RNF19A: variants seen among roughly 807,000 people sequenced by gnomAD.
The protein encoded by RNF19A is ring finger protein 19A, RBR E3 ubiquitin protein ligase.
RNF19A carries 32 observed loss-of-function variants against 75.7 expected under a neutral mutation model. That is an observed-to-expected ratio of 0.42 (90% confidence interval 0.32 to 0.57). The LOEUF (loss-of-function observed/expected upper bound fraction) is 0.57, where lower values mean the gene tolerates loss of function less well. Among genes scored for constraint, RNF19A ranks in the 20% least tolerant of loss-of-function variants. The pLI, the probability that RNF19A is intolerant of heterozygous loss-of-function variation, is 0.10. For synonymous variants in RNF19A, 335 were observed against 345.2 expected (o/e 0.97, Z 0.33); for missense variants, 782 against 1,036.3 (o/e 0.75, Z 3.37).
rs1236831027 is a variant in RNF19A at position 100,257,463 on chromosome 8, A to T, written c.*1093T>A. On this transcript the variant is annotated 3_prime_UTR_variant, in exon 10 of 10. Transcript: ENST00000341084. Reference sequence around the variant, plus strand: ...TCCATAAACAAAAGCAAAAGAAAATAATGCTAATCATACATGGACCTTTTG... The same window carrying T: ...TCCATAAACAAAAGCAAAAGAAAATTATGCTAATCATACATGGACCTTTTG... 6.6e-6 allele frequency: 1 copy of T among 152,668 alleles called. No homozygotes were observed. The highest frequency in any genetic ancestry group is 2.4e-5 in the African/African-American group (1 of 41,434). The allele number at this position is 152,668 out of a possible 1,614,324, so 9.5% of individuals were successfully genotyped here.
intron 2 of RNF19A, among the ~76,000 whole-genome samples, chr8:100,286,353 C>CAG (rs1330934588): frequency 6.6e-6 from 1 of 152,044 alleles, no homozygotes; most frequent in African/African-American, 2.4e-5. Context: ...GTACAAGCTC[C>CAG]CTGCAGTATA....
At chr8:100,298,921 A>T (rs1197111313) in intron 1 of RNF19A, among the ~76,000 whole-genome samples, 2 of 152,228 alleles carry the variant, frequency 1.3e-5, no homozygotes, top group African/African-American at 4.8e-5. Context: ...AGAGCGCAAA[A>T]TGCCAGGTAT....
At position 100,260,498 on chromosome 8, in the gene RNF19A, G is replaced by T. The variant is rs1819661847; in HGVS notation, c.1683-501C>A. On this transcript the variant is annotated intron_variant, in intron 8 of 9. Coordinates refer to ENST00000341084, the MANE Select transcript of RNF19A (RefSeq NM_183419.4). The surrounding 1 kb of genome is among the most constrained non-coding windows in gnomAD (Gnocchi z 4.1). ...TTGCCCAGGCTGGTCTCAAATTCCT[G>T]GCCTCAAGCTATCCTCCCAACCTGG... 6.6e-6 allele frequency among the ~76,000 whole-genome samples: 1 copy of T among 151,942 alleles called. No individual in the cohort carries two copies. Among genetic ancestry groups the T allele is most frequent in the Admixed American group, 6.6e-5 (1 of 15,266 alleles).
chr8:100,292,051 G>A (rs1454217589), intron 1 of RNF19A, among the ~76,000 whole-genome samples: 1 of 146,166 alleles, frequency 6.8e-6, no homozygotes, highest in Non-Finnish European at 1.5e-5. Flanking sequence ...CACTAACTTG[G>A]TCACTACAGA....
Position 100,333,005 on chromosome 8 carries a change from T to C in RNF19A, c.-243+3103A>G, listed in dbSNP as rs920236790. Among the ~76,000 whole-genome samples the C allele has an allele frequency of 1.3e-5, 2 of 152,226 alleles. No homozygotes were observed. Among genetic ancestry groups the C allele is most frequent in the Admixed American group, 1.3e-4 (2 of 15,286 alleles). On this transcript the variant is annotated intron_variant, in intron 1 of 3. Coordinates refer to the RNF19A transcript ENST00000519527. The surrounding 1 kb of genome is among the most constrained non-coding windows in gnomAD (Gnocchi z 4.7). ...ACATTTGCCAAGAACATGACAACTT[T>C]GACTCTTTTCTCTTTTTCACCCTCA... is the stretch of plus-strand genomic sequence containing the variant.
Position 100,269,856 on chromosome 8 carries a change from T to G in RNF19A, c.1028+13A>C, listed in dbSNP as rs1461067047. On this transcript the variant is annotated intron_variant, in intron 4 of 9. Coordinates refer to ENST00000341084, the MANE Select transcript of RNF19A (RefSeq NM_183419.4). The surrounding 1 kb of genome is among the most constrained non-coding windows in gnomAD (Gnocchi z 5.7). Reference sequence around the variant, plus strand: ...TTACATTTACATATAAATAGCTCCTTCTATAAGCTTACCTTAGATAATGCA... The same window carrying G: ...TTACATTTACATATAAATAGCTCCTGCTATAAGCTTACCTTAGATAATGCA... 2.5e-6 allele frequency: 4 copies of G among 1,576,768 alleles called. No individual in the cohort carries two copies. Among genetic ancestry groups the G allele is most frequent in the Non-Finnish European group, 3.4e-6 (4 of 1,163,616 alleles).
chr8:100,257,930 T>TA lies in RNF19A; in HGVS notation c.*625dup, dbSNP rs1819530955. The TA allele has an allele frequency of 5.0e-6, 2 of 398,440 alleles. No homozygotes were observed. The highest frequency in any genetic ancestry group is 4.4e-5 in the Admixed American group (1 of 22,706). The allele number at this position is 398,440 out of a possible 1,614,324, so 24.7% of individuals were successfully genotyped here. On this transcript the variant is annotated 3_prime_UTR_variant, in exon 10 of 10. Coordinates refer to ENST00000341084, the MANE Select transcript of RNF19A (RefSeq NM_183419.4). ...AAGATGGCATCAACAATAAACAAGA[T>TA]AGAGTACCAGGTATTTCTATTTCAA...
chr8:100,269,098 A>T lies in RNF19A; in HGVS notation c.1029-151T>A, dbSNP rs1586608935. 1.4e-5 allele frequency: 6 copies of T among 424,956 alleles called. No homozygotes were observed. The East Asian group carries it at 2.2e-4, about 16-fold the overall frequency. 26.3% of individuals were successfully genotyped at this position (424,956 alleles called of 1,614,324 possible). A position where few individuals can be genotyped will look rare whatever the true frequency, so the allele number is the denominator to read the frequency against. On this transcript the variant is annotated intron_variant, in intron 4 of 9. Transcript: ENST00000341084. This position sits in a 1 kb window ranked among gnomAD's most constrained non-coding sequence, Gnocchi z 5.7. The stretch of plus-strand genomic sequence containing the variant: ...ATTCTGAGTTCATTAAACTAAGGTA[A>T]GAACCACTATAAATTATATTAACAA...
rs1819703905 is a variant in RNF19A at position 100,261,328 on chromosome 8, G to C, written c.1682+214C>G. ...GCCCAGGCTGGTCTCGAACTCCTGA[G>C]CTCAGGCAATCCACCTGCTTTGGCT... On this transcript the variant is annotated intron_variant, in intron 8 of 9. Transcript: ENST00000341084. This position sits in a 1 kb window ranked among gnomAD's most constrained non-coding sequence, Gnocchi z 4.4. Among the ~76,000 whole-genome samples, 2 of 152,050 alleles carry C rather than the reference G, an allele frequency of 1.3e-5. No individual in the cohort carries two copies. The highest frequency in any genetic ancestry group is 2.9e-5 in the Non-Finnish European group (2 of 68,012).
chr8:100,272,972 C>T (rs562434039), intron 3 of RNF19A, among the ~76,000 whole-genome samples: 2 of 152,230 alleles, frequency 1.3e-5, no homozygotes, highest in African/African-American at 4.8e-5. Flanking sequence ...CTCAAACGAT[C>T]CTCCCACCTC....
chr8:100,321,666 A>C (rs545554961), intron 1 of RNF19A, among the ~76,000 whole-genome samples: 2 of 152,372 alleles, frequency 1.3e-5, no homozygotes, highest in East Asian at 3.9e-4. Context: ...AGGAATCACT[A>C]TCTATGGAAG....
Position 100,325,576 on chromosome 8 carries a change from C to A in RNF19A, c.-243+10532G>T, listed in dbSNP as rs190314114. ...TAGTTCTCTGCCCTCAGCAGCACCA[C>A]ACCTCTAGCCTACGCCCTGGGTCCT... is the stretch of plus-strand genomic sequence containing the variant. On this transcript the variant is annotated intron_variant, in intron 1 of 3. Transcript: ENST00000519527. This position sits in a 1 kb window ranked among gnomAD's most constrained non-coding sequence, Gnocchi z 4.3. Among the ~76,000 whole-genome samples, 39 of 152,276 alleles carry A rather than the reference C, an allele frequency of 2.6e-4. No homozygotes were observed. The Middle Eastern group carries it at 0.01, about 40-fold the overall frequency.
At chr8:100,262,867 G>A (rs1356604555) in intron 7 of RNF19A, among the ~76,000 whole-genome samples, 2 of 152,106 alleles carry the variant, frequency 1.3e-5, no homozygotes, top group Admixed American at 6.6e-5. Flanking sequence ...AGAATTTGCT[G>A]ACAGATCAAT....
Position 100,287,865 on chromosome 8 carries a change from C to A in RNF19A, c.310G>T (p.Asp104Tyr). 2 of 1,614,154 alleles carry A rather than the reference C, an allele frequency of 1.2e-6. No individual in the cohort carries two copies. Among genetic ancestry groups the A allele is most frequent in the Non-Finnish European group, 1.7e-6 (2 of 1,180,010 alleles). Residue 104 changes from aspartate (D) to tyrosine (Y), a missense_variant, in exon 2 of 10, where the codon GAT becomes TAT. Physicochemically the swap from Asp to Tyr is radical, Grantham distance 160. This residue lies in a region of RNF19A where 148 missense variants were observed against 147.9 expected (regional missense o/e 1.00). Transcript: ENST00000341084. This position sits in a 1 kb window ranked among gnomAD's most constrained non-coding sequence, Gnocchi z 4.1. ...TTTGTAGAGAAAATGGAGTTCTTAT[C>A]AGTACACATTTCAGAATGTATACTT... ...IESIHSEMCTDKNSIFSTNTS... is the reference protein window; with the variant it reads ...IESIHSEMCTYKNSIFSTNTS...
chr8:100,309,945 AG>A lies in RNF19A; in HGVS notation c.-173del, dbSNP rs1464274781. 1 of 985,784 alleles carries A rather than the reference AG, an allele frequency of 1.0e-6. No homozygotes were observed. The highest frequency in any genetic ancestry group is 1.2e-6 in the Non-Finnish European group (1 of 830,358). 61.1% of individuals were successfully genotyped at this position (985,784 alleles called of 1,614,324 possible). A position where few individuals can be genotyped will look rare whatever the true frequency, so the allele number is the denominator to read the frequency against. On this transcript the variant is annotated 5_prime_UTR_variant, in exon 1 of 10. Transcript: ENST00000341084. ...TCCCAGCAGCGGCGACAGCAGCCTG[AG>A]GAAGCGCGGGGGAGGGTCCCTCCGA...
Position 100,269,062 on chromosome 8 carries a change from T to C in RNF19A, c.1029-115A>G. ...AAACTTCTCATAGTTAGGAGCTTTT[T>C]TCCCCTTTAAATTCTGAGTTCATTA... On this transcript the variant is annotated intron_variant, in intron 4 of 9. Transcript: ENST00000341084. This position sits in a 1 kb window ranked among gnomAD's most constrained non-coding sequence, Gnocchi z 5.7. 1.4e-6 allele frequency: 1 copy of C among 700,222 alleles called. No individual in the cohort carries two copies. The highest frequency in any genetic ancestry group is 2.1e-6 in the Non-Finnish European group (1 of 470,046). The allele number at this position is 700,222 out of a possible 1,614,324, so 43.4% of individuals were successfully genotyped here.
intron 1 of RNF19A, among the ~76,000 whole-genome samples, chr8:100,326,422 A>G (rs1822534382): frequency 6.6e-6 from 1 of 152,076 alleles, no homozygotes; most frequent in African/African-American, 2.4e-5. Flanking sequence ...CCTTTTATTT[A>G]GCAAATTCTA....
In RNF19A at chr8:100,329,460, CA is replaced by C. The variant is rs1172629087; in HGVS notation, c.-243+6647del. Among the ~76,000 whole-genome samples, 8 of 151,778 alleles carry C rather than the reference CA, an allele frequency of 5.3e-5. No homozygotes were observed. Among genetic ancestry groups the C allele is most frequent in the African/African-American group, 1.9e-4 (8 of 41,300 alleles). On this transcript the variant is annotated intron_variant, in intron 1 of 3. Coordinates refer to the RNF19A transcript ENST00000519527. The surrounding 1 kb of genome is among the most constrained non-coding windows in gnomAD (Gnocchi z 4.3). Reference sequence around the variant, plus strand: ...AAACAAAACAAAACAAACAAACAAACAAAAAAAGTCAGTGAATCTTAGGTTG... The same window carrying C: ...AAACAAAACAAAACAAACAAACAAACAAAAAAGTCAGTGAATCTTAGGTTG...
Position 100,264,534 on chromosome 8 carries a change from G to T in RNF19A, c.1306+137C>A. On this transcript the variant is annotated intron_variant, in intron 6 of 9. Coordinates refer to ENST00000341084, the MANE Select transcript of RNF19A (RefSeq NM_183419.4). This position sits in a 1 kb window ranked among gnomAD's most constrained non-coding sequence, Gnocchi z 4.7. The stretch of plus-strand genomic sequence containing the variant: ...ACTTTAAGGCTAGGCTCTTGAATCT[G>T]TAATACTTTCAACCAAGACTTACTG... 1.5e-6 allele frequency: 1 copy of T among 647,312 alleles called. No homozygotes were observed. Among genetic ancestry groups the T allele is most frequent in the Non-Finnish European group, 2.7e-6 (1 of 375,408 alleles). The allele number at this position is 647,312 out of a possible 1,614,324, so 40.1% of individuals were successfully genotyped here.
Sources: gnomAD v4.1 joint callset for allele counts (sites outside exome capture counted in the v4.1 genomes callset) on GRCh38, gnomAD v4.1.1 for gene constraint, gnomAD v4.1.1 regional missense constraint, Gnocchi (gnomAD v3.1) non-coding constraint, MANE v1.5 for transcripts, NCBI Gene and HGNC (gene_info 2026-07-23, HGNC 2026-07-21) for gene names.